Variants in FSD1L observed in about 807,000 individuals in gnomAD.
FSD1L encodes fibronectin type III and SPRY domain containing 1 like, also known as FSD1-like protein.
In FSD1L, 45 loss-of-function variants were observed where a neutral mutation model predicts 71.6. The observed-to-expected ratio is 0.63, with a 90% CI of 0.49 to 0.81. The LOEUF is 0.81. FSD1L is among the 30% of genes least tolerant of loss of function. The pLI, the probability that FSD1L is intolerant of heterozygous loss-of-function variation, is 0.00. For synonymous variants in FSD1L, 197 were observed against 207.2 expected (o/e 0.95, Z 0.42); for missense variants, 561 against 618.1 (o/e 0.91, Z 0.98).
upstream of FSD1L, chr9:105,447,976 G>A: frequency 1.8e-6 from 1 of 544,300 alleles, no homozygotes; most frequent in Non-Finnish European, 3.2e-6. Flanking sequence ...CCCGGGAGCA[G>A]TCAGCCGCTG....
intron 10 of FSD1L, among the ~76,000 whole-genome samples, chr9:105,516,886 G>A (rs1489750297): frequency 1.3e-5 from 2 of 152,112 alleles, no homozygotes; most frequent in Admixed American, 6.5e-5. Context: ...CCAAACTAAA[G>A]GAGCATGTTC....
rs553677522 is a variant in FSD1L, at chr9:105,548,215, TG to T, written c.*1733del. 2.6e-5 allele frequency: 4 copies of T among 152,186 alleles called. No homozygotes were observed. The South Asian group carries it at 8.3e-4, about 32-fold the overall frequency. 9.4% of individuals were successfully genotyped at this position (152,186 alleles called of 1,614,324 possible). ...TCCAAAGAAATATAATTTTGGTTTT[TG>T]TTCCTCAGAGAGAGTTTGAAAGAAA... On this transcript the variant is annotated 3_prime_UTR_variant, in exon 14 of 14. Transcript: ENST00000481272.
At chr9:105,542,579 G>C (rs1464922392) in intron 13 of FSD1L, among the ~76,000 whole-genome samples, 1 of 151,996 alleles carries the variant, frequency 6.6e-6, no homozygotes. Flanking sequence ...TTAGCCTCCC[G>C]AGTAGCTGGG....
At chr9:105,504,381 G>A (rs765664414) in intron 7 of FSD1L, among the ~76,000 whole-genome samples, 1 of 152,156 alleles carries the variant, frequency 6.6e-6, no homozygotes, top group African/African-American at 2.4e-5. Context: ...AGTATTTATT[G>A]TACAATTACA....
At chr9:105,488,257 T>C (rs759643606) in intron 7 of FSD1L, among the ~76,000 whole-genome samples, 4 of 152,222 alleles carry the variant, frequency 2.6e-5, no homozygotes, top group Non-Finnish European at 5.9e-5. Flanking sequence ...TCCAGAATCT[T>C]GTATAGTTGG....
In FSD1L at chr9:105,539,327, T is replaced by C; in HGVS notation, c.1443T>C (p.Thr481=). 6.7e-7 allele frequency: 1 copy of C among 1,495,786 alleles called. No individual in the cohort carries two copies. The highest frequency in any genetic ancestry group is 9.0e-7 in the Non-Finnish European group (1 of 1,107,236). 92.7% of individuals were successfully genotyped at this position (1,495,786 alleles called of 1,614,324 possible). A position where few individuals can be genotyped will look rare whatever the true frequency, so the allele number is the denominator to read the frequency against. Residue 481 remains threonine, a synonymous_variant, in exon 13 of 14, where the codon ACT becomes ACC. Coordinates refer to ENST00000481272, the MANE Select transcript of FSD1L (RefSeq NM_001145313.3). ...QLLYSFKTKF[T]QPVLPGFMVW... ...TATATTCCTTTAAGACAAAATTTACTCAGCCAGTACTACCTGGTTTCATGG... is the reference window on the plus strand; with the variant it reads ...TATATTCCTTTAAGACAAAATTTACCCAGCCAGTACTACCTGGTTTCATGG...
chr9:105,508,031 G>T (rs945792789), intron 8 of FSD1L, among the ~76,000 whole-genome samples: 2 of 151,462 alleles, frequency 1.3e-5, no homozygotes, highest in South Asian at 4.2e-4. Flanking sequence ...AGCCACGCCC[G>T]GCTAATTTTG....
intron 11 of FSD1L, 65 bp from the exon 12 acceptor site, chr9:105,535,002 G>T (rs1564149258): frequency 4.0e-6 from 6 of 1,489,674 alleles, no homozygotes; most frequent in Middle Eastern, 1.7e-4. Flanking sequence ...GGGACGAGTG[G>T]TAGGTAAAAC....
At chr9:105,504,417 C>G (rs903908078) in intron 7 of FSD1L, among the ~76,000 whole-genome samples, 1 of 152,126 alleles carries the variant, frequency 6.6e-6, no homozygotes, top group Non-Finnish European at 1.5e-5. Context: ...TTTGGGAAGA[C>G]TCTAGTTAGT....
rs562012117 is a variant in FSD1L, at chr9:105,540,141, AC to A, written c.1467+791del. ...TGAGTTCCTTCAAATCCTTGTCAAC[AC>A]TTAGTATTATCTTTTAAAAAATTTT... is the stretch of plus-strand genomic sequence containing the variant. On this transcript the variant is annotated intron_variant, in intron 13 of 13. Transcript: ENST00000481272. Among the ~76,000 whole-genome samples the A allele has an allele frequency of 1.4e-4, 22 of 152,244 alleles. No homozygotes were observed. The South Asian group carries it at 4.3e-3, about 30-fold the overall frequency.
At chr9:105,495,435 C>T (rs1833306605) in intron 7 of FSD1L, among the ~76,000 whole-genome samples, 1 of 152,218 alleles carries the variant, frequency 6.6e-6, no homozygotes, top group African/African-American at 2.4e-5. Context: ...AGGGAACTCC[C>T]TGACCCCTTG....
At chr9:105,543,863 T>C (rs2131533462) in intron 13 of FSD1L, among the ~76,000 whole-genome samples, 1 of 152,356 alleles carries the variant, frequency 6.6e-6, no homozygotes, top group East Asian at 1.9e-4. Context: ...TCCAAGTCTT[T>C]GCTATTGTGA....
chr9:105,502,644 T>C (rs1833829951), intron 7 of FSD1L, among the ~76,000 whole-genome samples: 1 of 152,102 alleles, frequency 6.6e-6, no homozygotes, highest in Non-Finnish European at 1.5e-5. Context: ...CACATACACA[T>C]AGATATTACT....
chr9:105,480,143 C>A (rs563639497), intron 6 of FSD1L, among the ~76,000 whole-genome samples: 1 of 152,248 alleles, frequency 6.6e-6, no homozygotes, highest in South Asian at 2.1e-4. Flanking sequence ...TCATGAGATT[C>A]TCTGAAAGGC....
chr9:105,546,018 T>G (rs778725458), intron 13 of FSD1L, among the ~76,000 whole-genome samples: 1 of 152,126 alleles, frequency 6.6e-6, no homozygotes, highest in African/African-American at 2.4e-5. Context: ...GTGCTTTGTA[T>G]GCTTCCCTTG....
intron 8 of FSD1L, among the ~76,000 whole-genome samples, chr9:105,507,797 G>A (rs573932719): frequency 1.3e-5 from 2 of 151,890 alleles, no homozygotes; most frequent in Admixed American, 1.3e-4. Context: ...TTAATCACTG[G>A]GTTAAAATAA....
At chr9:105,481,004 C>G (rs891393348) in intron 6 of FSD1L, among the ~76,000 whole-genome samples, 1 of 151,912 alleles carries the variant, frequency 6.6e-6, no homozygotes, top group African/African-American at 2.4e-5. Context: ...ATTTGTTTAT[C>G]AGAATTTAAT....
upstream of FSD1L, among the ~76,000 whole-genome samples, chr9:105,447,324 CAAAAAAAAAA>C (rs35514046): frequency 1.6e-5 from 1 of 61,556 alleles, no homozygotes; most frequent in Non-Finnish European, 2.7e-5. Flanking sequence ...ACTCCATCTC[CAAAAAAAAAA>C]AAAAAAAAAA....
intron 10 of FSD1L, chr9:105,521,217 C>G (rs531085989): frequency 7.4e-6 from 12 of 1,614,186 alleles, no homozygotes; most frequent in Non-Finnish European, 8.5e-6. Flanking sequence ...ACATACAGGA[C>G]CTCATATTCC....
Sources: allele counts gnomAD v4.1 joint callset (sites outside exome capture counted in the v4.1 genomes callset), GRCh38; gene constraint gnomAD v4.1.1; transcripts MANE v1.5; gene names NCBI Gene and HGNC (gene_info 2026-07-23, HGNC 2026-07-21).